The following AKAP7 variants were observed in gnomAD, a reference collection of about 807,000 sequenced individuals.
AKAP7 encodes A-kinase anchoring protein 7.
In AKAP7, 39 loss-of-function variants were observed where a neutral mutation model predicts 39.5. That is an observed-to-expected ratio of 0.99 (90% CI 0.76 to 1.29). The LOEUF is 1.29. Among genes scored for constraint, AKAP7 ranks in the 50% most tolerant of loss-of-function variants. The pLI is 0.00. For synonymous variants in AKAP7, 140 were observed against 139.1 expected (o/e 1.01, Z -0.05); for missense variants, 414 against 407.7 (o/e 1.02, Z -0.13).
rs1806034910 is a variant in AKAP7, at chr6:131,188,004, ACTGGGTTGGAGTTAGAAGG to A, written c.590-11454_590-11436del. Among the ~76,000 whole-genome samples, 16 of 152,328 alleles carry A rather than the reference ACTGGGTTGGAGTTAGAAGG, an allele frequency of 1.1e-4. No individual in the cohort carries two copies. In the South Asian group the frequency reaches 3.3e-3, roughly 32 times the overall value. Reference sequence around the variant, plus strand: ...GGAGCACAAACTAAATAATGGGAGAACTGGGTTGGAGTTAGAAGGCTCAGTCTGGTTCTCTTTATCAACT... The same window carrying A: ...GGAGCACAAACTAAATAATGGGAGAACTCAGTCTGGTTCTCTTTATCAACT... On this transcript the variant is annotated intron_variant, in intron 5 of 7. Transcript: ENST00000431975.
chr6:131,228,436 T>C (rs1810368611), intron 7 of AKAP7, among the ~76,000 whole-genome samples: 1 of 152,230 alleles, frequency 6.6e-6, no homozygotes, highest in Non-Finnish European at 1.5e-5. Context: ...AGTAGGAATA[T>C]GTGCCTCATT....
At chr6:131,191,761 C>G (rs1179258694) in intron 5 of AKAP7, among the ~76,000 whole-genome samples, 1 of 151,986 alleles carries the variant, frequency 6.6e-6, no homozygotes, top group Admixed American at 6.5e-5. Context: ...GGTACTGGAC[C>G]TGGGCTCCAC....
rs149141976 is a variant in AKAP7, at chr6:131,281,809, T to C, written c.*83T>C. 1.4e-4 allele frequency: 192 copies of C among 1,370,690 alleles called. No individual in the cohort carries two copies. The African/African-American group carries it at 2.6e-3, about 19-fold the overall frequency. 84.9% of individuals were successfully genotyped at this position (1,370,690 alleles called of 1,614,324 possible). On this transcript the variant is annotated 3_prime_UTR_variant, in exon 8 of 8. Coordinates refer to ENST00000431975, the MANE Select transcript of AKAP7 (RefSeq NM_016377.4). The surrounding 1 kb of genome is among the most constrained non-coding windows in gnomAD (Gnocchi z 4.0). ...GTCTAGGGACTGACTTGCAGCGTGC[T>C]GTTTAAGTTAAGTTTCTCTGGTGCA...
At chr6:131,246,616 C>T (rs1362741217) in intron 7 of AKAP7, among the ~76,000 whole-genome samples, 1 of 152,092 alleles carries the variant, frequency 6.6e-6, no homozygotes, top group East Asian at 1.9e-4. Flanking sequence ...TCTGCTATTT[C>T]TGTGCTCTTA....
intron 7 of AKAP7, among the ~76,000 whole-genome samples, chr6:131,221,333 A>C (rs1167528917): frequency 6.6e-6 from 1 of 152,212 alleles, no homozygotes; most frequent in African/African-American, 2.4e-5. Flanking sequence ...GTGCAGAAGA[A>C]AAGTTGGAAA....
intron 6 of AKAP7, among the ~76,000 whole-genome samples, chr6:131,201,550 C>T (rs369290512): frequency 1.3e-5 from 2 of 152,192 alleles, no homozygotes; most frequent in South Asian, 4.2e-4. Context: ...GTTGCCTGTT[C>T]ACTCTGATGG....
At chr6:131,175,338 T>G (rs1159898156) in intron 5 of AKAP7, among the ~76,000 whole-genome samples, 1 of 152,202 alleles carries the variant, frequency 6.6e-6, no homozygotes, top group Non-Finnish European at 1.5e-5. Flanking sequence ...GTGGACCTGC[T>G]TAGTTCAAAC....
intron 7 of AKAP7, among the ~76,000 whole-genome samples, chr6:131,270,513 A>G (rs1814179753): frequency 6.6e-6 from 1 of 152,248 alleles, no homozygotes; most frequent in African/African-American, 2.4e-5. Context: ...TTATGAATAA[A>G]GCTACTACAA....
intron 7 of AKAP7, among the ~76,000 whole-genome samples, chr6:131,268,784 T>C (rs1194617604): frequency 6.6e-6 from 1 of 152,160 alleles, no homozygotes; most frequent in Admixed American, 6.6e-5. Context: ...TATGTAAAAA[T>C]TAATTCCAGT....
intron 1 of AKAP7, among the ~76,000 whole-genome samples, chr6:131,142,275 C>T (rs1801108202): frequency 6.6e-6 from 1 of 152,196 alleles, no homozygotes; most frequent in Admixed American, 6.5e-5. Context: ...ATCTCCAGGG[C>T]AGCTTCTCCG....
intron 2 of AKAP7, among the ~76,000 whole-genome samples, chr6:131,154,713 A>T (rs1025416350): frequency 2.0e-5 from 3 of 152,160 alleles, no homozygotes; most frequent in Non-Finnish European, 4.4e-5. Flanking sequence ...TCTTAATGTC[A>T]TCAAATAGCA....
At chr6:131,203,291 G>T (rs1807788190) in intron 6 of AKAP7, among the ~76,000 whole-genome samples, 1 of 151,866 alleles carries the variant, frequency 6.6e-6, no homozygotes, top group East Asian at 1.9e-4. Context: ...TCTTCTCTCG[G>T]CACTAATTTT....
intron 4 of AKAP7, among the ~76,000 whole-genome samples, chr6:131,167,205 A>G (rs1041852671): frequency 6.6e-6 from 1 of 152,190 alleles, no homozygotes; most frequent in Admixed American, 6.5e-5. Flanking sequence ...TCTTAAAAAC[A>G]TATTCTGTTT....
chr6:131,172,773 G>A (rs1804196626), intron 5 of AKAP7, among the ~76,000 whole-genome samples: 1 of 152,118 alleles, frequency 6.6e-6, no homozygotes, highest in Non-Finnish European at 1.5e-5. Context: ...TTACAGAATT[G>A]CTTTTACTAT....
intron 7 of AKAP7, among the ~76,000 whole-genome samples, chr6:131,233,501 A>G (rs970708497): frequency 1.3e-5 from 2 of 152,190 alleles, no homozygotes; most frequent in African/African-American, 4.8e-5. Context: ...GCCTGGACAT[A>G]CTCAGTGTTC....
chr6:131,154,070 G>A (rs547173524), intron 2 of AKAP7, among the ~76,000 whole-genome samples: 9 of 152,064 alleles, frequency 5.9e-5, no homozygotes, highest in Non-Finnish European at 1.3e-4. Context: ...AATTAGCTGG[G>A]CATGGTGGGC....
chr6:131,246,334 C>T (rs1266182134), intron 7 of AKAP7, among the ~76,000 whole-genome samples: 5 of 152,078 alleles, frequency 3.3e-5, no homozygotes, highest in Non-Finnish European at 7.4e-5. Context: ...CAAATATAGG[C>T]AACTGTCCTA....
At chr6:131,145,693 G>A (rs1028493388) in intron 2 of AKAP7, among the ~76,000 whole-genome samples, 14 of 152,070 alleles carry the variant, frequency 9.2e-5, no homozygotes, top group Non-Finnish European at 1.9e-4. Context: ...GGGACCACAG[G>A]CATGTGTGGC....
chr6:131,165,258 T>TA, intron 4 of AKAP7, 41 bp downstream of exon 4: 1 of 1,498,658 alleles, frequency 6.7e-7, no homozygotes, highest in Non-Finnish European at 9.1e-7. Context: ...TTCCAAATTA[T>TA]TACTTTAATA....
Sources: allele counts gnomAD v4.1 joint callset (sites outside exome capture counted in the v4.1 genomes callset), GRCh38; gene constraint gnomAD v4.1.1; non-coding constraint Gnocchi (gnomAD v3.1); transcripts MANE v1.5; gene names NCBI Gene and HGNC (gene_info 2026-07-23, HGNC 2026-07-21).